Variants in PRIM2 observed in about 807,000 individuals in gnomAD.
PRIM2 encodes DNA primase large subunit.
In PRIM2, 39 loss-of-function variants were observed where a neutral mutation model predicts 67.3. That is an observed-to-expected ratio of 0.58 (90% CI 0.45 to 0.76). The LOEUF is 0.76. PRIM2 is among the 30% of genes least tolerant of loss of function. The probability of loss-of-function intolerance (pLI) is 0.00; values close to 1 mark genes in which losing one functional copy is unlikely to be tolerated. For synonymous variants in PRIM2, 143 were observed against 198.7 expected (o/e 0.72, Z 2.36); for missense variants, 398 against 598.7 (o/e 0.66, Z 3.50).
chr6:57,230,397 G>A, the PRIM2 span, among the ~76,000 whole-genome samples: 3 of 152,172 alleles, frequency 2.0e-5, no homozygotes, highest in Non-Finnish European at 4.4e-5. Flanking sequence ...TTCTTGGCCT[G>A]TCAGGACCAC....
chr6:57,578,355 A>G (rs1776000557), intron 10 of PRIM2, among the ~76,000 whole-genome samples: 1 of 151,930 alleles, frequency 6.6e-6, no homozygotes, highest in Non-Finnish European at 1.5e-5. Flanking sequence ...TTCCCCACTG[A>G]TTTTTGTCAT....
At chr6:57,639,315 G>A (rs1235612270) in intron 13 of PRIM2, among the ~76,000 whole-genome samples, 5 of 151,934 alleles carry the variant, frequency 3.3e-5, no homozygotes, top group East Asian at 3.9e-4. Context: ...ATCTAAAGTC[G>A]ACACCCTAGC....
At chr6:57,631,299 A>G (rs1385737789) in intron 12 of PRIM2, among the ~76,000 whole-genome samples, 5 of 152,206 alleles carry the variant, frequency 3.3e-5, no homozygotes, top group Admixed American at 1.3e-4. Context: ...ATTTGAGGTT[A>G]TCTCTTAATT....
chr6:57,348,778 T>C lies in PRIM2; in HGVS notation c.459+22733T>C, dbSNP rs556482141. On this transcript the variant is annotated intron_variant, in intron 5 of 13. Transcript: ENST00000615550. ...TTTTTTTTTTTTTTTTGAGACAGAG[T>C]CTCTCTGTTGCCAAGCTGAAGTGCA... is the stretch of plus-strand genomic sequence containing the variant. 8.4e-3 allele frequency among the ~76,000 whole-genome samples: 1,084 copies of C among 129,740 alleles called. 8 individuals are homozygous for C. Among genetic ancestry groups the C allele is most frequent in the Non-Finnish European group, 0.012 (795 of 63,646 alleles). The allele number at this position is 129,740 out of a possible 152,430, so 85.1% of individuals were successfully genotyped here. A position where few individuals can be genotyped will look rare whatever the true frequency, so the allele number is the denominator to read the frequency against.
intron 5 of PRIM2, among the ~76,000 whole-genome samples, chr6:57,336,023 T>G (rs916236104): frequency 7.2e-5 from 11 of 151,890 alleles, no homozygotes; most frequent in Non-Finnish European, 1.6e-4. Context: ...AAGGAGCTGA[T>G]GGAGCTGAAA....
intron 7 of PRIM2, among the ~76,000 whole-genome samples, chr6:57,415,149 A>C (rs1771217186): frequency 1.3e-5 from 2 of 152,228 alleles, no homozygotes; most frequent in African/African-American, 2.4e-5. Flanking sequence ...GAGCTATGTC[A>C]GTTCAGAGAA....
At chr6:57,356,479 T>C (rs1192696788) in intron 5 of PRIM2, among the ~76,000 whole-genome samples, 4 of 152,234 alleles carry the variant, frequency 2.6e-5, no homozygotes, top group African/African-American at 9.6e-5. Flanking sequence ...TTGAGTTCTT[T>C]AACTGTGCTA....
the PRIM2 span, among the ~76,000 whole-genome samples, chr6:57,228,585 A>C: frequency 6.6e-6 from 1 of 152,222 alleles, no homozygotes; most frequent in African/African-American, 2.4e-5. Flanking sequence ...ATGTGCGATA[A>C]TGAGGTACAG....
chr6:57,577,690 A>G (rs1775988882), intron 10 of PRIM2, among the ~76,000 whole-genome samples: 1 of 152,076 alleles, frequency 6.6e-6, no homozygotes, highest in Non-Finnish European at 1.5e-5. Flanking sequence ...CAGCCTCCCA[A>G]AGTGCTGGAT....
chr6:57,233,711 G>A, the PRIM2 span, among the ~76,000 whole-genome samples: 2 of 149,516 alleles, frequency 1.3e-5, no homozygotes, highest in African/African-American at 4.9e-5. Context: ...GTGCAGTTGT[G>A]CCATCATAGC....
the PRIM2 span, among the ~76,000 whole-genome samples, chr6:57,303,302 A>AT: frequency 3.8e-4 from 56 of 149,308 alleles, no homozygotes; most frequent in Non-Finnish European, 1.5e-4. Flanking sequence ...TTTTTACATG[A>AT]TTTTTTTTTT....
the PRIM2 span, among the ~76,000 whole-genome samples, chr6:57,224,040 A>G: frequency 6.6e-6 from 1 of 152,246 alleles, no homozygotes; most frequent in Admixed American, 6.5e-5. Flanking sequence ...TAGCAGCATT[A>G]TTCACAATAG....
At chr6:57,238,085 G>A in the PRIM2 span, among the ~76,000 whole-genome samples, 1 of 152,108 alleles carries the variant, frequency 6.6e-6, no homozygotes, top group Non-Finnish European at 1.5e-5. Context: ...GACCTACAAA[G>A]AGACTTAGAC....
intron 11 of PRIM2, among the ~76,000 whole-genome samples, chr6:57,601,810 C>A (rs1776472364): frequency 2.0e-5 from 3 of 152,116 alleles, no homozygotes. Context: ...AGTAAATTTT[C>A]TGGATTATCA....
intron 7 of PRIM2, among the ~76,000 whole-genome samples, chr6:57,412,277 A>G (rs1306643417): frequency 1.3e-5 from 2 of 152,042 alleles, no homozygotes; most frequent in African/African-American, 4.8e-5. Flanking sequence ...TGACTGTGTA[A>G]TCTATCACAT....
chr6:57,355,849 C>T (rs1029217516), intron 5 of PRIM2, among the ~76,000 whole-genome samples: 1 of 151,892 alleles, frequency 6.6e-6, no homozygotes, highest in Non-Finnish European at 1.5e-5. Context: ...GCCATGTTGC[C>T]TGGGCTGGTC....
At chr6:57,371,968 T>G (rs1313544221) in intron 5 of PRIM2, among the ~76,000 whole-genome samples, 1 of 152,280 alleles carries the variant, frequency 6.6e-6, no homozygotes, top group Admixed American at 6.5e-5. Flanking sequence ...CAGAGATATA[T>G]GTAAACATAG....
chr6:57,230,919 G>C, the PRIM2 span, among the ~76,000 whole-genome samples: 1 of 152,128 alleles, frequency 6.6e-6, no homozygotes. Context: ...AGGCTGTACT[G>C]TATCTCCTGG....
intron 10 of PRIM2, among the ~76,000 whole-genome samples, chr6:57,552,724 T>C (rs1257338504): frequency 6.6e-6 from 1 of 152,202 alleles, no homozygotes; most frequent in Non-Finnish European, 1.5e-5. Context: ...CATTTTTTTT[T>C]AGCTCTCCAG....
Sources: gnomAD v4.1 joint callset for allele counts (sites outside exome capture counted in the v4.1 genomes callset) on GRCh38, gnomAD v4.1.1 for gene constraint, MANE v1.5 for transcripts, NCBI Gene and HGNC (gene_info 2026-07-23, HGNC 2026-07-21) for gene names.